ITGA2: variants seen among roughly 807,000 people sequenced by gnomAD.
ITGA2 encodes the protein integrin alpha-2.
ITGA2 carries 101 observed loss-of-function variants against 146.3 expected under a neutral mutation model. The ratio of observed to expected loss-of-function variants is 0.69; its 90% CI spans 0.59 to 0.81. The LOEUF is 0.81. Among genes scored for constraint, ITGA2 ranks in the 40% least tolerant of loss-of-function variants. The pLI is 0.00. For synonymous variants in ITGA2, 477 were observed against 487.1 expected, an observed-to-expected ratio of 0.98 and a Z score of 0.27; for missense variants, 1,281 against 1,402.7, an observed-to-expected ratio of 0.91 and a Z score of 1.39.
chr5:53,080,201 C>T (rs1446295878), intron 24 of ITGA2, among the ~76,000 whole-genome samples: 1 of 152,004 alleles, frequency 6.6e-6, no homozygotes, highest in Non-Finnish European at 1.5e-5. Context: ...AGTTTTTTTC[C>T]ATTGAGCCAT....
intron 1 of ITGA2, among the ~76,000 whole-genome samples, chr5:52,997,920 A>G (rs1741355319): frequency 6.6e-6 from 1 of 152,202 alleles, no homozygotes; most frequent in Non-Finnish European, 1.5e-5. Context: ...AGCCTTGGAA[A>G]TTGGGGCACT....
intron 2 of ITGA2, among the ~76,000 whole-genome samples, chr5:53,032,221 G>T (rs541862499): frequency 6.6e-6 from 1 of 152,188 alleles, no homozygotes; most frequent in South Asian, 2.1e-4. Flanking sequence ...CTTTTTAATT[G>T]AGAAAAACTT....
At chr5:53,060,074 G>A in intron 11 of ITGA2, 62 bp downstream of exon 11, 1 of 1,566,376 alleles carries the variant, frequency 6.4e-7, no homozygotes, top group South Asian at 1.1e-5. Flanking sequence ...CCAGCTCTTT[G>A]TTGAATCTCA....
chr5:53,019,830 C>A (rs1236637437), intron 1 of ITGA2, among the ~76,000 whole-genome samples: 1 of 152,084 alleles, frequency 6.6e-6, no homozygotes, highest in East Asian at 1.9e-4. Flanking sequence ...CTGGCCAAGT[C>A]ATCCTTATTT....
chr5:53,061,079 T>A (rs757146346), intron 12 of ITGA2, 33 bp downstream of exon 12: 5 of 1,609,912 alleles, frequency 3.1e-6, no homozygotes, highest in Non-Finnish European at 4.2e-6. Flanking sequence ...TGAAATTAAT[T>A]TTAGGGGCAA....
intron 1 of ITGA2, 108 bp from the exon 2 acceptor site, chr5:53,026,640 A>T: frequency 1.0e-6 from 1 of 995,008 alleles, no homozygotes; most frequent in Non-Finnish European, 1.6e-6. Context: ...TTGATAAGTA[A>T]TAATTATTAG....
At chr5:53,035,783 A>G (rs954251932) in intron 2 of ITGA2, among the ~76,000 whole-genome samples, 2 of 152,184 alleles carry the variant, frequency 1.3e-5, no homozygotes, top group African/African-American at 4.8e-5. Flanking sequence ...ACTAAACAAT[A>G]TAAGAAACAA....
chr5:53,070,241 A>G lies in ITGA2; in HGVS notation c.2216A>G (p.Glu739Gly). Residue 739 changes from glutamate (E) to glycine (G), a missense_variant, in exon 17 of 30, where the codon GAG (glutamate) becomes GGG (glycine). Physicochemically the swap from Glu to Gly is moderately conservative, Grantham distance 98. Around this residue, in one of 3 missense-constraint regions of ITGA2, gnomAD observed 475 missense variants for 530.5 expected, o/e 0.90. Coordinates refer to ENST00000296585, the MANE Select transcript of ITGA2 (RefSeq NM_002203.4). ...GTAAATCAAGCACAGAGTTGCCCCG[A>G]GCACATCATTTATATACAGGTAAGG... is the stretch of plus-strand genomic sequence containing the variant. ...MVVNQAQSCP[E>G]HIIYIQEPSD... 6.2e-7 allele frequency: 1 copy of G among 1,611,888 alleles called. No homozygotes were observed. Among genetic ancestry groups the G allele is most frequent in the African/African-American group, 1.3e-5 (1 of 74,868 alleles).
Position 53,067,351 on chromosome 5 carries a change from A to G in ITGA2, c.2083+94A>G, listed in dbSNP as rs1745196263. On this transcript the variant is annotated intron_variant, in intron 16 of 29. Transcript: ENST00000296585. ...TATTTTGGTTTGTAGGCCAAGAGAAATAAGGGTTTTAGTTATAGACACTTA... is the reference window on the plus strand; with the variant it reads ...TATTTTGGTTTGTAGGCCAAGAGAAGTAAGGGTTTTAGTTATAGACACTTA... 4.7e-5 allele frequency: 65 copies of G among 1,395,784 alleles called. No homozygotes were observed. In the South Asian group the frequency reaches 6.4e-4, roughly 14 times the overall value. 86.5% of individuals were successfully genotyped at this position (1,395,784 alleles called of 1,614,324 possible). A position where few individuals can be genotyped will look rare whatever the true frequency, so the allele number is the denominator to read the frequency against.
chr5:53,030,066 G>A (rs1743151684), intron 2 of ITGA2, among the ~76,000 whole-genome samples: 1 of 152,158 alleles, frequency 6.6e-6, no homozygotes, highest in African/African-American at 2.4e-5. Context: ...GGATTGTAAG[G>A]GGCTCAACCA....
chr5:53,004,124 C>A (rs1741714102), intron 1 of ITGA2, among the ~76,000 whole-genome samples: 1 of 152,120 alleles, frequency 6.6e-6, no homozygotes, highest in Non-Finnish European at 1.5e-5. Context: ...ACTCCAGCTG[C>A]CCTAGAGTGA....
chr5:53,016,067 G>A (rs952950338), intron 1 of ITGA2, among the ~76,000 whole-genome samples: 1 of 152,040 alleles, frequency 6.6e-6, no homozygotes, highest in Non-Finnish European at 1.5e-5. Flanking sequence ...TTTTAATTAG[G>A]GCATTCAGGC....
chr5:53,013,520 A>G (rs909433174), intron 1 of ITGA2, among the ~76,000 whole-genome samples: 1 of 151,992 alleles, frequency 6.6e-6, no homozygotes, highest in African/African-American at 2.4e-5. Context: ...GCCTTGTAGT[A>G]TAGTTTGAAG....
chr5:53,051,379 C>A, intron 6 of ITGA2, 32 bp from the exon 7 acceptor site: 1 of 1,602,922 alleles, frequency 6.2e-7, no homozygotes, highest in East Asian at 2.2e-5. Context: ...AATGTAATGA[C>A]AGCCCATTAA....
Position 52,989,390 on chromosome 5 carries a change from C to CTCGTA in ITGA2, c.-76_-72dup. 6.9e-7 allele frequency: 1 copy of CTCGTA among 1,446,588 alleles called. No homozygotes were observed. Among genetic ancestry groups the CTCGTA allele is most frequent in the Non-Finnish European group, 9.7e-7 (1 of 1,028,018 alleles). The allele number at this position is 1,446,588 out of a possible 1,614,324, so 89.6% of individuals were successfully genotyped here. On this transcript the variant is annotated 5_prime_UTR_variant, in exon 1 of 30. Coordinates refer to ENST00000296585, the MANE Select transcript of ITGA2 (RefSeq NM_002203.4). ...GGACAGCTTCTAGAGTGTGCAGGTT[C>CTCGTA]TCGTATCCCTCGGCCAAGGGTATCC...
At position 53,078,864 on chromosome 5, in the gene ITGA2, T is replaced by C. The variant is rs1480242848; in HGVS notation, c.2918T>C (p.Phe973Ser). The change falls in exon 24 of 30, where the codon TTC becomes TCC. Residue 973 changes from phenylalanine (F) to serine (S), a missense_variant. Physicochemically the swap from Phe to Ser is radical, Grantham distance 155 (BLOSUM62 -2). Coordinates refer to ENST00000296585, the MANE Select transcript of ITGA2 (RefSeq NM_002203.4). ...SFEDVGPKFI[F>S]SLKVTTGSVP... ...GAAGATGTTGGTCCAAAATTCATCT[T>C]CTCCCTGAAGGTTGGTAAGCCTGTC... 1.3e-6 allele frequency: 2 copies of C among 1,596,534 alleles called. No homozygotes were observed. The highest frequency in any genetic ancestry group is 3.3e-5 in the Admixed American group (2 of 59,826).
chr5:53,076,757 T>C (rs558538539), intron 23 of ITGA2, among the ~76,000 whole-genome samples: 1 of 152,216 alleles, frequency 6.6e-6, no homozygotes, highest in Admixed American at 6.5e-5. Context: ...ATTATCATCT[T>C]AGGCAGGTAT....
rs960255724 is a variant in ITGA2, at chr5:52,989,399, C to T, written c.-70C>T. ...CTAGAGTGTGCAGGTTCTCGTATCC[C>T]TCGGCCAAGGGTATCCTCTGCAAAC... On this transcript the variant is annotated 5_prime_UTR_variant, in exon 1 of 30. Coordinates refer to ENST00000296585, the MANE Select transcript of ITGA2 (RefSeq NM_002203.4). 1.3e-6 allele frequency: 2 copies of T among 1,526,854 alleles called. No individual in the cohort carries two copies. The highest frequency in any genetic ancestry group is 2.7e-5 in the African/African-American group (2 of 73,244). 94.6% of individuals were successfully genotyped at this position (1,526,854 alleles called of 1,614,324 possible). A position where few individuals can be genotyped will look rare whatever the true frequency, so the allele number is the denominator to read the frequency against.
chr5:53,045,262 T>C (rs1203695166), intron 4 of ITGA2, among the ~76,000 whole-genome samples, 170 bp downstream of exon 4: 1 of 152,184 alleles, frequency 6.6e-6, no homozygotes, highest in African/African-American at 2.4e-5. Context: ...AATGTTGATG[T>C]GTAGACTTTT....
Sources: gnomAD v4.1 joint callset for allele counts (sites outside exome capture counted in the v4.1 genomes callset) on GRCh38, gnomAD v4.1.1 for gene constraint, gnomAD v4.1.1 regional missense constraint, MANE v1.5 for transcripts, NCBI Gene and HGNC (gene_info 2026-07-23, HGNC 2026-07-21) for gene names.